ADGRL3: variants seen among roughly 807,000 people sequenced by gnomAD.
ADGRL3 encodes calcium-independent alpha-latrotoxin receptor 3.
Under a neutral mutation model 153.5 loss-of-function variants are expected in ADGRL3, and 62 were observed. The ratio of observed to expected loss-of-function variants is 0.40; its 90% confidence interval spans 0.33 to 0.50. ADGRL3 has a LOEUF of 0.50. ADGRL3 is among the 20% of genes least tolerant of loss of function. The probability of loss-of-function intolerance (pLI) is 0.47; values close to 1 mark genes in which losing one functional copy is unlikely to be tolerated. For missense variants in ADGRL3, 1,641 were observed against 1,859.4 expected, an observed-to-expected ratio of 0.88 and a Z score of 2.16; for synonymous variants, 710 against 672.5, an observed-to-expected ratio of 1.06 and a Z score of -0.86.
chr4:61,584,479 T>G (rs964142163), intron 4 of ADGRL3, among the ~76,000 whole-genome samples: 23 of 152,032 alleles, frequency 1.5e-4, no homozygotes, highest in African/African-American at 5.6e-4. Flanking sequence ...GCTATGTCAA[T>G]GTATTGACAA....
intron 9 of ADGRL3, among the ~76,000 whole-genome samples, chr4:61,843,669 G>A (rs2098068421): frequency 6.6e-6 from 1 of 152,122 alleles, no homozygotes; most frequent in Non-Finnish European, 1.5e-5. Context: ...TGGATTTTCT[G>A]TCACTAACAG....
intron 1 of ADGRL3, among the ~76,000 whole-genome samples, chr4:61,240,077 C>A (rs1416639565): frequency 6.6e-6 from 1 of 152,034 alleles, no homozygotes; most frequent in Non-Finnish European, 1.5e-5. Flanking sequence ...GTTCTGGAGG[C>A]TGGGAAATTT....
At chr4:61,500,290 C>G (rs2098372948) in intron 3 of ADGRL3, among the ~76,000 whole-genome samples, 2 of 152,052 alleles carry the variant, frequency 1.3e-5, no homozygotes, top group Admixed American at 6.6e-5. Context: ...AAACTTTGTA[C>G]CTGAGAAAAT....
intron 13 of ADGRL3, among the ~76,000 whole-genome samples, chr4:61,922,835 A>G (rs982725642): frequency 3.3e-5 from 5 of 152,216 alleles, no homozygotes; most frequent in African/African-American, 1.2e-4. Context: ...ATGGAGGAAA[A>G]TAGCCAGTAA....
chr4:62,019,907 G>A (rs935935369), intron 21 of ADGRL3, among the ~76,000 whole-genome samples: 1 of 152,058 alleles, frequency 6.6e-6, no homozygotes, highest in Non-Finnish European at 1.5e-5. Flanking sequence ...ATCCCAGTGA[G>A]ATTATCTTAT....
chr4:61,613,491 C>T (rs193157029), intron 5 of ADGRL3, among the ~76,000 whole-genome samples: 389 of 152,244 alleles, frequency 2.6e-3, no homozygotes, highest in Middle Eastern at 0.01. Flanking sequence ...CGCCTGTAAT[C>T]CCACCACTTT....
chr4:61,574,166 A>C (rs1186081834), intron 4 of ADGRL3, among the ~76,000 whole-genome samples: 2 of 151,956 alleles, frequency 1.3e-5, no homozygotes, highest in East Asian at 3.9e-4. Context: ...CAACTCCATC[A>C]GACCTAAACT....
At chr4:61,371,563 C>G (rs1056944681) in intron 1 of ADGRL3, among the ~76,000 whole-genome samples, 1 of 152,036 alleles carries the variant, frequency 6.6e-6, no homozygotes, top group Non-Finnish European at 1.5e-5. Flanking sequence ...TTGGCCCCCA[C>G]TCTCTTCTGG....
intron 2 of ADGRL3, among the ~76,000 whole-genome samples, chr4:61,394,560 A>C (rs1267218184): frequency 5.9e-5 from 9 of 152,040 alleles, no homozygotes; most frequent in Admixed American, 5.2e-4. Context: ...AAAACATTAC[A>C]AATTTACACT....
At chr4:61,410,702 G>A (rs2097076203) in intron 2 of ADGRL3, among the ~76,000 whole-genome samples, 1 of 152,130 alleles carries the variant, frequency 6.6e-6, no homozygotes, top group Non-Finnish European at 1.5e-5. Context: ...GTATATCCTG[G>A]ATCAGGGTTG....
intron 5 of ADGRL3, among the ~76,000 whole-genome samples, chr4:61,611,614 T>G (rs2091357854): frequency 6.6e-6 from 1 of 152,146 alleles, no homozygotes; most frequent in African/African-American, 2.4e-5. Context: ...TAATACTATG[T>G]GCATGAATTA....
chr4:61,582,531 T>C (rs1485970322), intron 4 of ADGRL3, among the ~76,000 whole-genome samples: 1 of 152,070 alleles, frequency 6.6e-6, no homozygotes, highest in Non-Finnish European at 1.5e-5. Context: ...TTCCTTTTTA[T>C]GATTGCATAG....
intron 6 of ADGRL3, among the ~76,000 whole-genome samples, chr4:61,708,296 C>T (rs1302956597): frequency 1.3e-5 from 2 of 152,088 alleles, no homozygotes; most frequent in African/African-American, 4.8e-5. Flanking sequence ...GTATCAAAGT[C>T]ATAAATCTGA....
At chr4:61,358,610 A>G (rs1163747376) in intron 1 of ADGRL3, among the ~76,000 whole-genome samples, 2 of 150,844 alleles carry the variant, frequency 1.3e-5, no homozygotes, top group African/African-American at 4.9e-5. Flanking sequence ...AAAAAAAAAA[A>G]AAAAAAAGAA....
chr4:61,304,708 G>A (rs1025471413), intron 1 of ADGRL3, among the ~76,000 whole-genome samples: 18 of 152,092 alleles, frequency 1.2e-4, no homozygotes, highest in African/African-American at 4.1e-4. Context: ...TTCTGATCAT[G>A]TCTGTTTTAA....
At position 61,213,698 on chromosome 4, in the gene ADGRL3, AT is replaced by A. The variant is rs369610757; in HGVS notation, c.-240+11940del. On this transcript the variant is annotated intron_variant, in intron 1 of 26. Transcript: ENST00000683033. ...TTATCTCCAATTTCTCAATGCCATT[AT>A]TTTTTTGAAAGCATTAAGTATCATA... Among the ~76,000 whole-genome samples the A allele has an allele frequency of 2.8e-4, 43 of 152,212 alleles. No homozygotes were observed. The South Asian group carries it at 8.7e-3, about 31-fold the overall frequency.
chr4:61,489,876 A>C (rs938887284), intron 2 of ADGRL3, among the ~76,000 whole-genome samples: 5 of 152,094 alleles, frequency 3.3e-5, no homozygotes, highest in Non-Finnish European at 7.4e-5. Context: ...CTCTTAAAAG[A>C]CAATACTTGG....
chr4:62,070,444 T>G lies in ADGRL3; in HGVS notation c.4168T>G (p.Leu1390Val). 1 of 1,551,568 alleles carries G rather than the reference T, an allele frequency of 6.4e-7. No homozygotes were observed. The highest frequency in any genetic ancestry group is 2.4e-5 in the East Asian group (1 of 40,846). Residue 1390 changes from leucine to valine, a missense_variant, in exon 27 of 27, where the codon TTG becomes GTG. Coordinates refer to ENST00000683033, the MANE Select transcript of ADGRL3 (RefSeq NM_001387552.1). ...CACCTCGTTTAACCACGAGGAGAGT[T>G]TGGGCCTGGAACTCATTCATGAGGA... ...DATSFNHEES[L>V]GLELIHEESD...
At chr4:61,936,813 C>CACACACACACACACAG (rs939964108) in intron 15 of ADGRL3, among the ~76,000 whole-genome samples, 2 of 150,744 alleles carry the variant, frequency 1.3e-5, no homozygotes, top group Non-Finnish European at 1.5e-5. Flanking sequence ...CACACACACA[C>CACACACACACACACAG]AGAGATATAT....
Sources: allele counts gnomAD v4.1 joint callset (sites outside exome capture counted in the v4.1 genomes callset), GRCh38; gene constraint gnomAD v4.1.1; transcripts MANE v1.5; gene names NCBI Gene and HGNC (gene_info 2026-07-23, HGNC 2026-07-21).